MARK2: variants seen among roughly 807,000 people sequenced by gnomAD.
MARK2 encodes serine/threonine-protein kinase MARK2.
Under a neutral mutation model 89.8 loss-of-function variants are expected in MARK2, and 16 were observed. The observed-to-expected ratio is 0.18, with a 90% CI of 0.12 to 0.27. The LOEUF (loss-of-function observed/expected upper bound fraction) is 0.27. MARK2 is among the 10% of genes least tolerant of loss of function. The pLI is 1.00. For synonymous variants in MARK2, 382 were observed against 399.5 expected (o/e 0.96, Z 0.52); for missense variants, 621 against 1,049.9 (o/e 0.59, Z 5.65).
rs894522402 is a variant in MARK2, at chr11:63,853,837, T to G, written c.54+14277T>G. On this transcript the variant is annotated intron_variant, in intron 1 of 18. Transcript: ENST00000402010. Reference sequence around the variant, plus strand: ...GAAGGATTAAAGACTATCATTTTTTTTATTTACTTATTTATTTATTTATTT... The same window carrying G: ...GAAGGATTAAAGACTATCATTTTTTGTATTTACTTATTTATTTATTTATTT... 2.0e-5 allele frequency among the ~76,000 whole-genome samples: 3 copies of G among 152,124 alleles called. No individual in the cohort carries two copies. In the East Asian group the frequency reaches 5.8e-4, roughly 29 times the overall value.
At chr11:63,899,325 C>G (rs1313362024) in intron 7 of MARK2, among the ~76,000 whole-genome samples, 1 of 151,656 alleles carries the variant, frequency 6.6e-6, no homozygotes, top group South Asian at 2.1e-4. Context: ...ACCTCGGGTT[C>G]CATTCTAGCC....
At chr11:63,855,684 G>A (rs2016804540) in intron 1 of MARK2, among the ~76,000 whole-genome samples, 2 of 152,162 alleles carry the variant, frequency 1.3e-5, no homozygotes, top group Admixed American at 1.3e-4. Context: ...TATCTGAAAG[G>A]CTGTTGAACT....
At chr11:63,898,998 C>A in intron 6 of MARK2, 54 bp from the exon 7 acceptor site, 2 of 1,349,404 alleles carry the variant, frequency 1.5e-6, no homozygotes, top group Non-Finnish European at 2.1e-6. Flanking sequence ...CTCTGTCAGC[C>A]CCTGTGGCCC....
rs76909089 is a variant in MARK2 at position 63,900,857 on chromosome 11, C to T, written c.966C>T (p.Asp322=). ...ELKPYVEPLP[D]YKDPRRTELM... ...AGCCTTACGTGGAGCCACTCCCTGACTACAAGGACCCCCGGCGGACAGGTG... is the reference window on the plus strand; with the variant it reads ...AGCCTTACGTGGAGCCACTCCCTGATTACAAGGACCCCCGGCGGACAGGTG... Residue 322 remains aspartate, a synonymous_variant, in exon 10 of 19, where the codon GAC becomes GAT. Coordinates refer to ENST00000402010, the MANE Select transcript of MARK2 (RefSeq NM_001039469.3). This position sits in a 1 kb window ranked among gnomAD's most constrained non-coding sequence, Gnocchi z 4.7. The T allele has an allele frequency of 1.6e-4, 253 of 1,614,194 alleles. 1 individual carries two copies. In the East Asian group the frequency reaches 5.3e-3, roughly 34 times the overall value.
chr11:63,898,478 C>G, intron 4 of MARK2, 130 bp from the exon 5 acceptor site: 2 of 908,032 alleles, frequency 2.2e-6, no homozygotes, highest in Non-Finnish European at 3.6e-6. Context: ...ATGAGAGGAA[C>G]TTGTTCTTGG....
chr11:63,901,849 G>A (rs1007714862), intron 11 of MARK2, among the ~76,000 whole-genome samples: 15 of 152,166 alleles, frequency 9.9e-5, no homozygotes, highest in Non-Finnish European at 1.8e-4. Context: ...TCTCCCTCTG[G>A]TGGTGGGATC....
chr11:63,845,952 G>A (rs2016256584), intron 1 of MARK2, among the ~76,000 whole-genome samples: 1 of 151,348 alleles, frequency 6.6e-6, no homozygotes, highest in South Asian at 2.1e-4. Flanking sequence ...TGAACTCCTG[G>A]ACTCAAGTGA....
intron 1 of MARK2, among the ~76,000 whole-genome samples, chr11:63,853,723 C>G (rs989799614): frequency 6.6e-6 from 1 of 152,164 alleles, no homozygotes; most frequent in Non-Finnish European, 1.5e-5. Context: ...GCACTAAGCT[C>G]TACTAGTGGT....
At chr11:63,867,672 A>C (rs1938209244) in intron 1 of MARK2, among the ~76,000 whole-genome samples, 1 of 152,244 alleles carries the variant, frequency 6.6e-6, no homozygotes, top group Non-Finnish European at 1.5e-5. Flanking sequence ...GATGAAAGAC[A>C]AGAAAAGCTA....
chr11:63,888,804 G>A (rs1031623651), intron 1 of MARK2: 64 of 1,277,402 alleles, frequency 5.0e-5, no homozygotes, highest in African/African-American at 7.7e-5. Context: ...GGAAGGTGTC[G>A]CCTGCTCTGG....
At chr11:63,871,228 G>A (rs558780356) in intron 1 of MARK2, among the ~76,000 whole-genome samples, 118 of 152,318 alleles carry the variant, frequency 7.7e-4, no homozygotes, top group Non-Finnish European at 8.1e-4. Flanking sequence ...TTTGAGATGA[G>A]TGTTGGTGCT....
In MARK2 at chr11:63,903,477, G is replaced by T; in HGVS notation, c.1514+319G>T. 2.5e-6 allele frequency: 1 copy of T among 401,062 alleles called. No individual in the cohort carries two copies. The highest frequency in any genetic ancestry group is 2.5e-5 in the South Asian group (1 of 40,786). 24.8% of individuals were successfully genotyped at this position (401,062 alleles called of 1,614,324 possible). ...ACATGAGCAGCTAAGGCCTTGTGTT[G>T]GGGGTCCCAGCTCAGGGCAGAACCA... On this transcript the variant is annotated intron_variant, in intron 14 of 18. Coordinates refer to ENST00000402010, the MANE Select transcript of MARK2 (RefSeq NM_001039469.3). The surrounding 1 kb of genome is among the most constrained non-coding windows in gnomAD (Gnocchi z 5.1).
In MARK2 at chr11:63,842,190, C is replaced by G. The variant is rs376626437; in HGVS notation, c.54+2630C>G. ...CAGGGACTTTGGAAAACCTTGGATGCACCTATTCCAGACAGATTCCTGTAT... is the reference window on the plus strand; with the variant it reads ...CAGGGACTTTGGAAAACCTTGGATGGACCTATTCCAGACAGATTCCTGTAT... On this transcript the variant is annotated intron_variant, in intron 1 of 18. Coordinates refer to ENST00000402010, the MANE Select transcript of MARK2 (RefSeq NM_001039469.3). Among the ~76,000 whole-genome samples the G allele has an allele frequency of 4.6e-5, 7 of 151,840 alleles. No homozygotes were observed. In the East Asian group the frequency reaches 1.2e-3, roughly 25 times the overall value.
At chr11:63,853,407 A>G (rs544676262) in intron 1 of MARK2, among the ~76,000 whole-genome samples, 1 of 151,940 alleles carries the variant, frequency 6.6e-6, no homozygotes, top group East Asian at 1.9e-4. Context: ...AAAAAAAAAA[A>G]GATGTAGCTG....
chr11:63,898,354 C>G, intron 4 of MARK2, 74 bp downstream of exon 4: 1 of 1,418,862 alleles, frequency 7.0e-7, no homozygotes, highest in Non-Finnish European at 1.0e-6. Flanking sequence ...ATCTTCTCCC[C>G]GAGGTGCACT....
At chr11:63,895,658 C>CGT in intron 3 of MARK2, 25 bp downstream of exon 3, 1 of 1,161,442 alleles carries the variant, frequency 8.6e-7, no homozygotes, top group Admixed American at 2.2e-5. Context: ...CCTCCTGTCC[C>CGT]TTTTTTTTTT....
At chr11:63,907,123 T>G (rs926490019) in intron 17 of MARK2, among the ~76,000 whole-genome samples, 1 of 152,202 alleles carries the variant, frequency 6.6e-6, no homozygotes, top group Non-Finnish European at 1.5e-5. Context: ...TTAAGAGTGC[T>G]TGTTCCCCAA....
intron 1 of MARK2, chr11:63,882,636 C>T (rs1939165391): frequency 6.6e-6 from 1 of 151,890 alleles, no homozygotes; most frequent in Non-Finnish European, 1.5e-5. Context: ...GCACAGGGGC[C>T]ATGCTAATCT....
Position 63,902,191 on chromosome 11 carries a change from C to G in MARK2, c.1102-7C>G, listed in dbSNP as rs753947157. The G allele has an allele frequency of 1.4e-5, 22 of 1,613,834 alleles. No individual in the cohort carries two copies. The highest frequency in any genetic ancestry group is 1.8e-5 in the Non-Finnish European group (21 of 1,179,912). On this transcript the variant is annotated splice_region_variant and splice_polypyrimidine_tract_variant and intron_variant, in intron 11 of 18. Transcript: ENST00000402010. This position sits in a 1 kb window ranked among gnomAD's most constrained non-coding sequence, Gnocchi z 4.2. The stretch of plus-strand genomic sequence containing the variant: ...CCTCCCTTGAAGCTGTTTTCTGTTT[C>G]TTTCAGCTGGAAGGCGACACCATCA...
Sources: gnomAD v4.1 joint callset for allele counts (sites outside exome capture counted in the v4.1 genomes callset) on GRCh38, gnomAD v4.1.1 for gene constraint, Gnocchi (gnomAD v3.1) non-coding constraint, MANE v1.5 for transcripts, NCBI Gene and HGNC (gene_info 2026-07-23, HGNC 2026-07-21) for gene names.